Variants in KYNU observed in about 807,000 individuals in gnomAD.
KYNU encodes the protein kynureninase.
A neutral mutation model predicts 59.2 loss-of-function variants in KYNU; 54 were observed. The ratio of observed to expected loss-of-function variants is 0.91; its 90% CI spans 0.73 to 1.14. The LOEUF (loss-of-function observed/expected upper bound fraction) is 1.14. Ranked by LOEUF, KYNU falls within the 50% of genes most tolerant of loss-of-function variation. The pLI, the probability that KYNU is intolerant of heterozygous loss-of-function variation, is 0.00. For synonymous variants in KYNU, 177 were observed against 192.0 expected (o/e 0.92, Z 0.65); for missense variants, 567 against 554.4 (o/e 1.02, Z -0.23).
intron 7 of KYNU, chr2:142,958,014 A>G: frequency 3.3e-6 from 1 of 299,522 alleles, no homozygotes; most frequent in Non-Finnish European, 6.3e-6. Context: ...AATTTAGTAT[A>G]TCATTTTCAA....
At chr2:143,037,638 C>T (rs908782867) in intron 12 of KYNU, among the ~76,000 whole-genome samples, 1 of 151,978 alleles carries the variant, frequency 6.6e-6, no homozygotes, top group Non-Finnish European at 1.5e-5. Context: ...GCTTTGTGTT[C>T]ATTTTGTCAG....
In KYNU at chr2:142,918,729, T is replaced by G. The variant is rs1558921026; in HGVS notation, c.290T>G (p.Ile97Arg). 1.2e-6 allele frequency: 2 copies of G among 1,610,712 alleles called. No homozygotes were observed. The highest frequency in any genetic ancestry group is 1.7e-5 in the Admixed American group (1 of 59,890). The change falls in exon 3 of 14, where the codon ATA (isoleucine) becomes AGA (arginine). Residue 97 changes from isoleucine to arginine, a missense_variant and splice_region_variant. Physicochemically the swap from Ile to Arg is moderately conservative, Grantham distance 97 (BLOSUM62 -3). Transcript: ENST00000264170. ...GAAGAACTAGATAAGTGGGCCAAAA[T>G]GTAAGTATTATTTTAAAAGCTACTA... ...LEEELDKWAK[I>R]AAYGHEVGKR...
At chr2:142,942,162 A>G (rs1476497872) in intron 4 of KYNU, among the ~76,000 whole-genome samples, 9 of 124,964 alleles carry the variant, frequency 7.2e-5, no homozygotes, top group African/African-American at 3.4e-4. Flanking sequence ...GGGTGACAGA[A>G]AAAAAAAAAA....
At chr2:142,997,142 G>A (rs1685567928) in intron 10 of KYNU, among the ~76,000 whole-genome samples, 1 of 152,092 alleles carries the variant, frequency 6.6e-6, no homozygotes, top group African/African-American at 2.4e-5. Context: ...TGAGTACTAT[G>A]TATATATTTC....
At chr2:142,941,743 T>C (rs898768337) in intron 4 of KYNU, among the ~76,000 whole-genome samples, 7 of 152,196 alleles carry the variant, frequency 4.6e-5, no homozygotes, top group Admixed American at 6.5e-5. Flanking sequence ...TCCTAAACCA[T>C]TGGATCCATC....
intron 6 of KYNU, among the ~76,000 whole-genome samples, chr2:142,956,492 C>T (rs1684170236): frequency 6.6e-6 from 1 of 152,108 alleles, no homozygotes; most frequent in Admixed American, 6.6e-5. Flanking sequence ...GGAATAGGAA[C>T]ATTGATTTAT....
In KYNU at chr2:142,878,604, ACACT is replaced by A. The variant is rs1190145885; in HGVS notation, c.-20+871_-20+874del. Among the ~76,000 whole-genome samples the A allele has an allele frequency of 3.9e-5, 6 of 152,324 alleles. No homozygotes were observed. The East Asian group carries it at 1.2e-3, about 29-fold the overall frequency. The stretch of plus-strand genomic sequence containing the variant: ...AAACTGTGTAAAGATTAACTACCAG[ACACT>A]CAGTCATTTATTTAACTATTTAGCC... On this transcript the variant is annotated intron_variant, in intron 1 of 13. Coordinates refer to ENST00000264170, the MANE Select transcript of KYNU (RefSeq NM_003937.3).
intron 10 of KYNU, among the ~76,000 whole-genome samples, chr2:142,998,695 G>A (rs1256081415): frequency 2.0e-5 from 3 of 151,998 alleles, no homozygotes; most frequent in African/African-American, 7.2e-5. Context: ...TGAGGGAGTG[G>A]ACATTGTATA....
chr2:142,983,741 T>C (rs1685114617), intron 8 of KYNU, among the ~76,000 whole-genome samples: 1 of 152,226 alleles, frequency 6.6e-6, no homozygotes, highest in East Asian at 1.9e-4. Context: ...TTTTAAAATG[T>C]ATTTATTTGT....
chr2:142,945,135 T>C (rs1683729633), intron 4 of KYNU, among the ~76,000 whole-genome samples: 1 of 152,210 alleles, frequency 6.6e-6, no homozygotes. Flanking sequence ...GGCAATTTCT[T>C]AAAATAAGAT....
chr2:143,006,370 C>T (rs1439864322), intron 10 of KYNU, among the ~76,000 whole-genome samples: 4 of 151,984 alleles, frequency 2.6e-5, no homozygotes, highest in Non-Finnish European at 5.9e-5. Context: ...CGGCGCACCA[C>T]GAGATTATAT....
intron 4 of KYNU, among the ~76,000 whole-genome samples, chr2:142,936,019 C>T (rs148223055): frequency 7.2e-5 from 11 of 152,044 alleles, no homozygotes; most frequent in East Asian, 1.9e-4. Context: ...AGACAACGAA[C>T]GGGTTAAAGA....
chr2:143,021,098 C>G (rs1194284115), intron 10 of KYNU, among the ~76,000 whole-genome samples: 4 of 151,936 alleles, frequency 2.6e-5, no homozygotes, highest in African/African-American at 9.6e-5. Flanking sequence ...TGTAAAAGGT[C>G]TATTCGTATC....
intron 2 of KYNU, among the ~76,000 whole-genome samples, chr2:142,885,804 G>GA (rs1474046628): frequency 1.3e-5 from 2 of 152,196 alleles, no homozygotes; most frequent in Admixed American, 1.3e-4. Flanking sequence ...GTGACTGATT[G>GA]AAAATTACAG....
chr2:142,885,765 T>C (rs1416505679), intron 2 of KYNU, among the ~76,000 whole-genome samples: 1 of 152,202 alleles, frequency 6.6e-6, no homozygotes, highest in South Asian at 2.1e-4. Flanking sequence ...AGGGTACTTA[T>C]ACTGTCAACT....
chr2:142,997,930 C>A (rs1685590387), intron 10 of KYNU, among the ~76,000 whole-genome samples: 1 of 152,112 alleles, frequency 6.6e-6, no homozygotes, highest in South Asian at 2.1e-4. Context: ...TCCCCAGTGG[C>A]TTTCTCTTAC....
chr2:142,942,230 GT>G (rs1016883510), intron 4 of KYNU, among the ~76,000 whole-genome samples: 1 of 150,906 alleles, frequency 6.6e-6, no homozygotes, highest in Non-Finnish European at 1.5e-5. Flanking sequence ...TTTAGAATGT[GT>G]TTTTTTGTGT....
intron 12 of KYNU, among the ~76,000 whole-genome samples, chr2:143,033,664 G>A (rs147785486): frequency 1.3e-5 from 2 of 152,282 alleles, no homozygotes; most frequent in African/African-American, 4.8e-5. Flanking sequence ...TACCAAATAA[G>A]CATGCAATAT....
chr2:142,960,485 A>G, intron 7 of KYNU, 139 bp from the exon 8 acceptor site: 3 of 624,050 alleles, frequency 4.8e-6, no homozygotes, highest in Non-Finnish European at 7.9e-6. Context: ...CTCTTATGCC[A>G]GATTTTTAAA....
Sources: gnomAD v4.1 joint callset for allele counts (sites outside exome capture counted in the v4.1 genomes callset) on GRCh38, gnomAD v4.1.1 for gene constraint, MANE v1.5 for transcripts, NCBI Gene and HGNC (gene_info 2026-07-23, HGNC 2026-07-21) for gene names.